DNAL4: variants seen among roughly 807,000 people sequenced by gnomAD.
DNAL4 encodes the protein dynein axonemal light chain 4, also known as dynein light chain, outer arm 4.
Under a neutral mutation model 12.6 loss-of-function variants are expected in DNAL4, and 10 were observed. The observed-to-expected ratio is 0.79, with a 90% confidence interval of 0.49 to 1.34. The LOEUF is 1.34. Ranked by LOEUF, DNAL4 falls within the 40% of genes most tolerant of loss-of-function variation. The probability of loss-of-function intolerance (pLI) is 0.00; values close to 1 mark genes in which losing one functional copy is unlikely to be tolerated. For synonymous variants in DNAL4, 46 were observed against 53.1 expected (o/e 0.87, Z 0.58); for missense variants, 128 against 138.1 (o/e 0.93, Z 0.37).
chr22:38,788,859 T>G (rs1307126287), intron 1 of DNAL4, among the ~76,000 whole-genome samples: 2 of 152,234 alleles, frequency 1.3e-5, no homozygotes, highest in African/African-American at 4.8e-5. Context: ...CAGTGACATC[T>G]CACAACCGAT....
chr22:38,790,205 G>A lies in DNAL4; in HGVS notation c.-140+3863C>T, dbSNP rs540826231. On this transcript the variant is annotated intron_variant, in intron 1 of 3. Transcript: ENST00000216068. ...ATGGGAAGCCCTTTGGAGGTCTCTA[G>A]GTGGCTGGTGACATGGGTGGGCTGG... Among the ~76,000 whole-genome samples the A allele has an allele frequency of 5.9e-5, 9 of 152,250 alleles. No individual in the cohort carries two copies. In the South Asian group the frequency reaches 1.0e-3, roughly 18 times the overall value.
chr22:38,779,355 T>G lies in DNAL4; in HGVS notation c.*94A>C. The G allele has an allele frequency of 7.0e-7, 1 of 1,429,232 alleles. No homozygotes were observed. The highest frequency in any genetic ancestry group is 9.2e-7 in the Non-Finnish European group (1 of 1,081,200). 88.5% of individuals were successfully genotyped at this position (1,429,232 alleles called of 1,614,324 possible). A position where few individuals can be genotyped will look rare whatever the true frequency, so the allele number is the denominator to read the frequency against. ...AGACAAAAAGAAAAGACCCCAACTC[T>G]CCTTGGAAAAACCAGGACCTGCCTA... On this transcript the variant is annotated 3_prime_UTR_variant, in exon 4 of 4. Transcript: ENST00000216068. The surrounding 1 kb of genome is among the most constrained non-coding windows in gnomAD (Gnocchi z 4.3).
At chr22:38,790,713 CAT>C (rs2093049279) in intron 1 of DNAL4, among the ~76,000 whole-genome samples, 1 of 152,136 alleles carries the variant, frequency 6.6e-6, no homozygotes, top group South Asian at 2.1e-4. Flanking sequence ...GTGTGAATGT[CAT>C]AGAGTGTACT....
At chr22:38,781,454 G>A (rs539395470) in intron 2 of DNAL4, among the ~76,000 whole-genome samples, 1 of 152,086 alleles carries the variant, frequency 6.6e-6, no homozygotes, top group East Asian at 1.9e-4. Flanking sequence ...CTCCTGGAGG[G>A]CCCTGGGCCC....
At chr22:38,784,147 G>A (rs1427210977) in intron 1 of DNAL4, among the ~76,000 whole-genome samples, 1 of 152,150 alleles carries the variant, frequency 6.6e-6, no homozygotes, top group Non-Finnish European at 1.5e-5. Context: ...TGCCGAGCAC[G>A]GTAACTAACA....
At chr22:38,783,534 G>C (rs1336432159) in intron 1 of DNAL4, among the ~76,000 whole-genome samples, 1 of 152,258 alleles carries the variant, frequency 6.6e-6, no homozygotes, top group Non-Finnish European at 1.5e-5. Flanking sequence ...CCCTCTGCAG[G>C]CCCTGATCTT....
intron 1 of DNAL4, among the ~76,000 whole-genome samples, chr22:38,790,284 T>C (rs1378406231): frequency 6.6e-6 from 1 of 152,118 alleles, no homozygotes; most frequent in Admixed American, 6.6e-5. Context: ...GCTGCAGTAA[T>C]GGTCCAGGGG....
At position 38,794,140 on chromosome 22, in the gene DNAL4, G is replaced by C. The variant is rs1172685540; in HGVS notation, c.-212C>G. 1.3e-5 allele frequency: 2 copies of C among 152,274 alleles called. No individual in the cohort carries two copies. The highest frequency in any genetic ancestry group is 2.4e-5 in the African/African-American group (1 of 41,470). The allele number at this position is 152,274 out of a possible 1,614,324, so 9.4% of individuals were successfully genotyped here. ...CCAGGGTTGTCAAGGAGCGAAACAA[G>C]AGTGTCTTAGCAACCAGCAAGGAAG... On this transcript the variant is annotated 5_prime_UTR_variant, in exon 1 of 4. Coordinates refer to ENST00000216068, the MANE Select transcript of DNAL4 (RefSeq NM_005740.3).
chr22:38,778,591 T>C lies in DNAL4; in HGVS notation c.*858A>G, dbSNP rs1157987649. ...TGTAAAATACGATTCACCCTTCTAC[T>C]AAAACCCTTTTCCCACACTCGAAAA... On this transcript the variant is annotated 3_prime_UTR_variant, in exon 4 of 4. Transcript: ENST00000216068. 1 of 152,714 alleles carries C rather than the reference T, an allele frequency of 6.5e-6. No homozygotes were observed. Among genetic ancestry groups the C allele is most frequent in the East Asian group, 1.9e-4 (1 of 5,202 alleles). The allele number at this position is 152,714 out of a possible 1,614,324, so 9.5% of individuals were successfully genotyped here.
At position 38,779,063 on chromosome 22, in the gene DNAL4, G is replaced by A. The variant is rs890876629; in HGVS notation, c.*386C>T. ...ATGACAAGGACGGCCGACACTTCCC[G>A]GCAGTACTGGGGATGGCAGGGCAGT... is the stretch of plus-strand genomic sequence containing the variant. On this transcript the variant is annotated 3_prime_UTR_variant, in exon 4 of 4. Transcript: ENST00000216068. This position sits in a 1 kb window ranked among gnomAD's most constrained non-coding sequence, Gnocchi z 4.3. 1.8e-5 allele frequency: 3 copies of A among 170,258 alleles called. No individual in the cohort carries two copies. The highest frequency in any genetic ancestry group is 2.0e-4 in the South Asian group (1 of 5,074). 10.5% of individuals were successfully genotyped at this position (170,258 alleles called of 1,614,324 possible).
At chr22:38,781,460 G>A (rs2093034235) in intron 2 of DNAL4, among the ~76,000 whole-genome samples, 1 of 151,978 alleles carries the variant, frequency 6.6e-6, no homozygotes, top group Non-Finnish European at 1.5e-5. Context: ...GAGGGCCCTG[G>A]GCCCCACCTC....
chr22:38,780,159 C>T (rs990057603), intron 3 of DNAL4, among the ~76,000 whole-genome samples: 16 of 152,184 alleles, frequency 1.1e-4, no homozygotes, highest in Non-Finnish European at 1.6e-4. Flanking sequence ...CAGGGACCCC[C>T]GCTCGGCAGG....
intron 1 of DNAL4, among the ~76,000 whole-genome samples, chr22:38,788,501 G>C (rs1226894041): frequency 6.6e-6 from 1 of 152,046 alleles, no homozygotes; most frequent in Non-Finnish European, 1.5e-5. Flanking sequence ...AGGGAGAGAA[G>C]AGAGGCCTGC....
chr22:38,791,210 T>C (rs1477503161), intron 1 of DNAL4, among the ~76,000 whole-genome samples: 1 of 151,200 alleles, frequency 6.6e-6, no homozygotes. Context: ...CTATAAAAGA[T>C]AAAAAATCAT....
intron 1 of DNAL4, among the ~76,000 whole-genome samples, chr22:38,788,132 G>A (rs1022218359): frequency 6.6e-6 from 1 of 152,060 alleles, no homozygotes; most frequent in African/African-American, 2.4e-5. Context: ...GCCTTCTAGC[G>A]AACAAATGAA....
intron 1 of DNAL4, 120 bp downstream of exon 1, chr22:38,793,948 G>C (rs999767362): frequency 4.6e-5 from 7 of 152,308 alleles, no homozygotes; most frequent in African/African-American, 1.7e-4. Flanking sequence ...GGAACAGCAG[G>C]CAGGAGACCG....
chr22:38,792,432 G>A (rs901374299), intron 1 of DNAL4, among the ~76,000 whole-genome samples: 9 of 151,972 alleles, frequency 5.9e-5, no homozygotes, highest in African/African-American at 2.2e-4. Context: ...ACAGGTGCCC[G>A]CTACCACGTC....
intron 2 of DNAL4, 145 bp from the exon 3 acceptor site, chr22:38,781,154 C>CT: frequency 5.0e-6 from 4 of 794,762 alleles, no homozygotes; most frequent in Non-Finnish European, 8.1e-6. Context: ...CATCTCCTGA[C>CT]TGAGGGCCTG....
chr22:38,787,788 G>C (rs1455953815), intron 1 of DNAL4, among the ~76,000 whole-genome samples: 1 of 152,124 alleles, frequency 6.6e-6, no homozygotes, highest in African/African-American at 2.4e-5. Flanking sequence ...GTGTGGCTAT[G>C]GTGTGCCTTC....
Sources: gnomAD v4.1 joint callset for allele counts (sites outside exome capture counted in the v4.1 genomes callset) on GRCh38, gnomAD v4.1.1 for gene constraint, Gnocchi (gnomAD v3.1) non-coding constraint, MANE v1.5 for transcripts, NCBI Gene and HGNC (gene_info 2026-07-23, HGNC 2026-07-21) for gene names.